ATXN7L1: variants seen among roughly 807,000 people sequenced by gnomAD.
ATXN7L1 encodes ataxin-7-like protein 1.
ATXN7L1 carries 15 observed loss-of-function variants against 70.8 expected under a neutral mutation model. The ratio of observed to expected loss-of-function variants is 0.21; its 90% CI spans 0.14 to 0.33. The LOEUF (loss-of-function observed/expected upper bound fraction) is 0.33. Among genes scored for constraint, ATXN7L1 ranks in the 10% least tolerant of loss-of-function variants. The probability of loss-of-function intolerance (pLI) is 1.00; values close to 1 mark genes in which losing one functional copy is unlikely to be tolerated. For synonymous variants in ATXN7L1, 440 were observed against 445.1 expected (o/e 0.99, Z 0.14); for missense variants, 975 against 1,097.1 (o/e 0.89, Z 1.57).
At chr7:105,832,835 C>T (rs543444184) in intron 2 of ATXN7L1, among the ~76,000 whole-genome samples, 83 of 152,304 alleles carry the variant, frequency 5.4e-4, no homozygotes, top group African/African-American at 1.8e-3. Context: ...TCTTCCTTGA[C>T]GCCTCTCTTG....
chr7:105,638,562 T>C lies in ATXN7L1; in HGVS notation c.993A>G (p.Gln331=), dbSNP rs1176275709. The C allele has an allele frequency of 4.5e-6, 7 of 1,551,926 alleles. No homozygotes were observed. The East Asian group carries it at 9.8e-5, about 22-fold the overall frequency. The change falls in exon 7 of 12, where the codon CAA becomes CAG. Residue 331 remains glutamine (Q), a synonymous_variant. Transcript: ENST00000419735. ...TGTGTTCTGCCAGGAGGAGGTCAAA[T>C]TGCTTTTTCCGGCCTGGGACTGCCC... is the stretch of plus-strand genomic sequence containing the variant. ...HRRAVPGRKK[Q]FDLLLAEHKA...
chr7:105,770,961 G>A (rs1030505845), intron 3 of ATXN7L1, among the ~76,000 whole-genome samples: 1 of 152,084 alleles, frequency 6.6e-6, no homozygotes, highest in South Asian at 2.1e-4. Context: ...CAGAACTTTG[G>A]GAGGCCGAGG....
chr7:105,741,436 A>G (rs553047000), intron 3 of ATXN7L1, among the ~76,000 whole-genome samples: 2 of 152,300 alleles, frequency 1.3e-5, no homozygotes, highest in Non-Finnish European at 1.5e-5. Context: ...TTTCAACAGG[A>G]TAGTGTTTGA....
At chr7:105,798,881 C>A (rs1360562618) in intron 2 of ATXN7L1, among the ~76,000 whole-genome samples, 2 of 152,176 alleles carry the variant, frequency 1.3e-5, no homozygotes, top group African/African-American at 4.8e-5. Flanking sequence ...GGTGGATGAT[C>A]AGTTGTATGT....
chr7:105,755,654 G>A (rs1235111970), intron 3 of ATXN7L1, among the ~76,000 whole-genome samples: 1 of 152,088 alleles, frequency 6.6e-6, no homozygotes. Context: ...AATCCTACTG[G>A]TGAATTTCCA....
chr7:105,619,140 GTTTTTTTTTTTTTT>G (rs1191774371), intron 9 of ATXN7L1, among the ~76,000 whole-genome samples: 1 of 49,848 alleles, frequency 2.0e-5, no homozygotes, highest in East Asian at 8.2e-4. Flanking sequence ...GAAATCTTTA[GTTTTTTTTTTTTTT>G]TTTTTTTTTT....
intron 3 of ATXN7L1, among the ~76,000 whole-genome samples, chr7:105,706,394 C>G (rs1413853514): frequency 6.6e-6 from 1 of 152,050 alleles, no homozygotes; most frequent in East Asian, 1.9e-4. Flanking sequence ...TGGGGTTTCA[C>G]CATGTTGGCC....
intron 2 of ATXN7L1, among the ~76,000 whole-genome samples, chr7:105,829,078 A>T (rs957633684): frequency 2.6e-5 from 4 of 152,170 alleles, no homozygotes; most frequent in East Asian, 3.8e-4. Context: ...AAGGCAATCA[A>T]TACATTTGAC....
chr7:105,622,965 T>A (rs1795151450), intron 8 of ATXN7L1, among the ~76,000 whole-genome samples: 1 of 152,034 alleles, frequency 6.6e-6, no homozygotes, highest in African/African-American at 2.4e-5. Context: ...TGAACCAAGC[T>A]TGGGAGCACC....
At chr7:105,847,624 G>A (rs917860664) in intron 2 of ATXN7L1, among the ~76,000 whole-genome samples, 4 of 152,166 alleles carry the variant, frequency 2.6e-5, no homozygotes, top group African/African-American at 9.7e-5. Flanking sequence ...AAAGTACATG[G>A]GTGGTAGAGA....
Position 105,727,911 on chromosome 7 carries a change from G to A in ATXN7L1, c.355+60693C>T, listed in dbSNP as rs187741546. Among the ~76,000 whole-genome samples the A allele has an allele frequency of 6.1e-4, 91 of 150,294 alleles. 1 individual carries two copies. The highest frequency in any genetic ancestry group is 2.1e-3 in the African/African-American group (85 of 40,952). Reference sequence around the variant, plus strand: ...ACAGACACATCCCAGACTAACAACCGTATGTATGTTTAGGGTAGGGACTGG... The same window carrying A: ...ACAGACACATCCCAGACTAACAACCATATGTATGTTTAGGGTAGGGACTGG... On this transcript the variant is annotated intron_variant, in intron 3 of 11. Transcript: ENST00000419735.
intron 2 of ATXN7L1, among the ~76,000 whole-genome samples, chr7:105,792,394 G>C (rs1322709714): frequency 2.0e-5 from 3 of 152,226 alleles, no homozygotes; most frequent in Non-Finnish European, 4.4e-5. Context: ...AGCAAAGACA[G>C]GCAGCTGGCT....
chr7:105,860,396 T>A (rs1816448552), intron 2 of ATXN7L1, among the ~76,000 whole-genome samples: 1 of 152,090 alleles, frequency 6.6e-6, no homozygotes, highest in Admixed American at 6.6e-5. Context: ...GAATTTTCTC[T>A]GCTGACCTAG....
intron 3 of ATXN7L1, among the ~76,000 whole-genome samples, chr7:105,675,486 G>A (rs530472822): frequency 1.1e-4 from 17 of 152,112 alleles, no homozygotes; most frequent in Non-Finnish European, 2.2e-4. Flanking sequence ...TTAGCCAGGC[G>A]TGGTGGTGCA....
At chr7:105,628,934 A>C (rs763720528) in intron 7 of ATXN7L1, among the ~76,000 whole-genome samples, 11 of 54,340 alleles carry the variant, frequency 2.0e-4, no homozygotes, top group Non-Finnish European at 2.5e-4. Context: ...CCTCACAGTT[A>C]CCGGGTTTTT....
intron 3 of ATXN7L1, among the ~76,000 whole-genome samples, chr7:105,759,311 C>T (rs1226168336): frequency 6.6e-6 from 1 of 151,770 alleles, no homozygotes; most frequent in African/African-American, 2.4e-5. Context: ...AAATGCTGGG[C>T]TCAGATCCAG....
At chr7:105,667,495 C>G (rs987356977) in intron 3 of ATXN7L1, among the ~76,000 whole-genome samples, 7 of 98,876 alleles carry the variant, frequency 7.1e-5, no homozygotes, top group African/African-American at 1.8e-4. Context: ...GTCAGGAGAT[C>G]GAGACCATCC....
intron 9 of ATXN7L1, among the ~76,000 whole-genome samples, chr7:105,615,127 C>T (rs1335280880): frequency 6.6e-6 from 1 of 152,104 alleles, no homozygotes; most frequent in Admixed American, 6.5e-5. Flanking sequence ...ATAGAAATCT[C>T]CCCAGTATTC....
chr7:105,871,232 A>T (rs28454831), intron 2 of ATXN7L1, among the ~76,000 whole-genome samples: 4,010 of 152,128 alleles, frequency 0.026, 191 homozygotes, highest in African/African-American at 0.09. Flanking sequence ...CCTTTCTTTA[A>T]ATATGGGCAA....
Sources: allele counts gnomAD v4.1 joint callset (sites outside exome capture counted in the v4.1 genomes callset), GRCh38; gene constraint gnomAD v4.1.1; transcripts MANE v1.5; gene names NCBI Gene and HGNC (gene_info 2026-07-23, HGNC 2026-07-21).